Variants in UCHL1 observed in about 807,000 individuals in gnomAD.
The protein encoded by UCHL1 is ubiquitin C-terminal hydrolase L1.
A neutral mutation model predicts 33.3 loss-of-function variants in UCHL1; 5 were observed. The observed-to-expected ratio is 0.15, with a 90% confidence interval of 0.08 to 0.32. The LOEUF (loss-of-function observed/expected upper bound fraction) is 0.32, where lower values mean the gene tolerates loss of function less well. Among genes scored for constraint, UCHL1 ranks in the 10% least tolerant of loss-of-function variants. UCHL1 has a pLI of 1.00. For missense variants in UCHL1, 236 were observed against 280.0 expected (o/e 0.84, Z 1.12); for synonymous variants, 132 against 108.8 (o/e 1.21, Z -1.33).
chr4:41,257,818 C>T lies in UCHL1; in HGVS notation c.174+81C>T, dbSNP rs551789430. ...CTTGAGTCCTCGGGGGCTCCCCGCC[C>T]CGCCCCCTCCCCTGTAGGTGATGCG... On this transcript the variant is annotated intron_variant, in intron 3 of 8. Transcript: ENST00000284440. 168 of 1,501,256 alleles carry T rather than the reference C, an allele frequency of 1.1e-4. 1 individual carries two copies. The highest frequency in any genetic ancestry group is 6.1e-4 in the South Asian group (48 of 79,054). The allele number at this position is 1,501,256 out of a possible 1,614,324, so 93.0% of individuals were successfully genotyped here.
In UCHL1 at chr4:41,256,975, A is replaced by T; in HGVS notation, c.-2A>T. The T allele has an allele frequency of 6.2e-7, 1 of 1,614,174 alleles. No individual in the cohort carries two copies. Among genetic ancestry groups the T allele is most frequent in the South Asian group, 1.1e-5 (1 of 91,086 alleles). On this transcript the variant is annotated 5_prime_UTR_variant, in exon 1 of 9. It adds an upstream start codon to the 5' untranslated region. Coordinates refer to ENST00000284440, the MANE Select transcript of UCHL1 (RefSeq NM_004181.5). ...GCTATTTCTGCCGGGCGCTCCGCGAAGATGCAGCTCAAGCCGATGGAGATC... is the reference window on the plus strand; with the variant it reads ...GCTATTTCTGCCGGGCGCTCCGCGATGATGCAGCTCAAGCCGATGGAGATC...
chr4:41,259,206 G>A (rs1781032325), intron 3 of UCHL1, among the ~76,000 whole-genome samples: 2 of 152,218 alleles, frequency 1.3e-5, no homozygotes, highest in African/African-American at 4.8e-5. Flanking sequence ...CACTGAAGCC[G>A]ATTGAAAGAA....
intron 2 of UCHL1, 154 bp downstream of exon 2, chr4:41,257,280 C>T (rs773338075): frequency 1.7e-4 from 212 of 1,260,154 alleles, no homozygotes; most frequent in South Asian, 3.5e-4. Flanking sequence ...TTTCCTGGGC[C>T]CCTGCATTTA....
chr4:41,268,035 G>A lies in UCHL1; in HGVS notation c.634G>A (p.Val212Ile). ...ATTCACCGAGCGTGAGCAAGGAGAA[G>A]TCCGCTTCTCTGCCGTGGCTCTCTG... ...REFTEREQGE[V>I]RFSAVALCKA... Residue 212 changes from valine (V) to isoleucine (I), a missense_variant, in exon 9 of 9, where the codon GTC becomes ATC. Physicochemically the swap from Val to Ile is conservative, Grantham distance 29. Coordinates refer to ENST00000284440, the MANE Select transcript of UCHL1 (RefSeq NM_004181.5). 1 of 1,613,706 alleles carries A rather than the reference G, an allele frequency of 6.2e-7. No individual in the cohort carries two copies. The highest frequency in any genetic ancestry group is 8.5e-7 in the Non-Finnish European group (1 of 1,179,866).
chr4:41,266,226 CTTTTTT>C (rs71650920), intron 8 of UCHL1, among the ~76,000 whole-genome samples: 2 of 136,780 alleles, frequency 1.5e-5, no homozygotes, highest in African/African-American at 2.8e-5. Flanking sequence ...CTGGCTAAAA[CTTTTTT>C]TTTTTTTTTT....
intron 4 of UCHL1, among the ~76,000 whole-genome samples, chr4:41,261,291 A>G (rs1281192494): frequency 6.6e-6 from 1 of 152,248 alleles, no homozygotes; most frequent in Non-Finnish European, 1.5e-5. Flanking sequence ...TCATGTATAT[A>G]ATAGATGTTA....
chr4:41,259,229 T>A (rs1781033086), intron 3 of UCHL1, among the ~76,000 whole-genome samples: 1 of 152,226 alleles, frequency 6.6e-6, no homozygotes, highest in South Asian at 2.1e-4. Flanking sequence ...GTTGAGGTTT[T>A]ATAGGTTGAC....
chr4:41,258,909 A>G (rs1306267719), intron 3 of UCHL1, among the ~76,000 whole-genome samples: 1 of 152,238 alleles, frequency 6.6e-6, no homozygotes, highest in Non-Finnish European at 1.5e-5. Context: ...GGTTGACCAA[A>G]TCAGTCTCCT....
intron 8 of UCHL1, among the ~76,000 whole-genome samples, chr4:41,265,623 C>G (rs964686668): frequency 1.3e-5 from 2 of 152,128 alleles, no homozygotes; most frequent in African/African-American, 4.8e-5. Context: ...AGTCTGTGTT[C>G]TTAGCCATTG....
chr4:41,257,083 G>A, intron 1 of UCHL1, 32 bp from the exon 2 acceptor site: 1 of 1,614,096 alleles, frequency 6.2e-7, no homozygotes, highest in Non-Finnish European at 8.5e-7. Context: ...GATCGGTTCG[G>A]TTTTGCCTTT....
chr4:41,257,797 A>C (rs960946980), intron 3 of UCHL1, 60 bp downstream of exon 3: 2 of 1,524,256 alleles, frequency 1.3e-6, no homozygotes, highest in Non-Finnish European at 1.8e-6. Flanking sequence ...CCCCAGCTTG[A>C]GTCCTCGGGG....
Position 41,257,696 on chromosome 4 carries a change from C to T in UCHL1, c.133C>T (p.Pro45Ser). The T allele has an allele frequency of 6.3e-7, 1 of 1,579,228 alleles. No individual in the cohort carries two copies. Among genetic ancestry groups the T allele is most frequent in the Non-Finnish European group, 8.6e-7 (1 of 1,166,096 alleles). Reference sequence around the variant, plus strand: ...GGAGTCTCTGGGCTCGGTGCCAGCGCCTGCCTGCGCGCTGCTGCTGCTGTT... The same window carrying T: ...GGAGTCTCTGGGCTCGGTGCCAGCGTCTGCCTGCGCGCTGCTGCTGCTGTT... The part of the protein sequence containing the change: ...EEESLGSVPA[P>S]ACALLLLFPL... The change falls in exon 3 of 9, where the codon CCT becomes TCT. Residue 45 changes from proline to serine, a missense_variant. By Grantham distance (74) the Pro-to-Ser change is moderately conservative. Coordinates refer to ENST00000284440, the MANE Select transcript of UCHL1 (RefSeq NM_004181.5).
intron 8 of UCHL1, 119 bp downstream of exon 8, chr4:41,264,280 GTCTTTAGGGCTGCAAGATCC>G (rs1349783438): frequency 4.7e-6 from 6 of 1,272,608 alleles, no homozygotes; most frequent in South Asian, 2.4e-5. Context: ...GTTAATAGCA[GTCTTTAGGGCTGCAAGATCC>G]TCTTAGTAAC....
In UCHL1 at chr4:41,268,104, C is replaced by T; in HGVS notation, c.*31C>T. The T allele has an allele frequency of 6.3e-7, 1 of 1,597,092 alleles. No homozygotes were observed. The highest frequency in any genetic ancestry group is 8.6e-7 in the Non-Finnish European group (1 of 1,166,756). On this transcript the variant is annotated 3_prime_UTR_variant, in exon 9 of 9. Coordinates refer to ENST00000284440, the MANE Select transcript of UCHL1 (RefSeq NM_004181.5). ...TGTGGGAGGGACTTTGCTGATTTCC[C>T]CTCTTCCCTTCAACATGAAAATATA...
At position 41,263,217 on chromosome 4, in the gene UCHL1, T is replaced by C; in HGVS notation, c.460-8T>C. On this transcript the variant is annotated splice_polypyrimidine_tract_variant and splice_region_variant and intron_variant, in intron 6 of 8. Coordinates refer to ENST00000284440, the MANE Select transcript of UCHL1 (RefSeq NM_004181.5). ...ACTCATTTTCAAAAATTTCTTGACT[T>C]TCTTTAGGTAGATGACAAGGTGAAT... 6.2e-7 allele frequency: 1 copy of C among 1,613,330 alleles called. No homozygotes were observed. The highest frequency in any genetic ancestry group is 8.5e-7 in the Non-Finnish European group (1 of 1,179,294).
At position 41,268,194 on chromosome 4, in the gene UCHL1, G is replaced by C; in HGVS notation, c.*121G>C. Reference sequence around the variant, plus strand: ...AACACAGCTGTTCTTCTGTTCTGCAGACACGCCTTCCCCTCAGCCACACCC... The same window carrying C: ...AACACAGCTGTTCTTCTGTTCTGCACACACGCCTTCCCCTCAGCCACACCC... On this transcript the variant is annotated 3_prime_UTR_variant, in exon 9 of 9. Coordinates refer to ENST00000284440, the MANE Select transcript of UCHL1 (RefSeq NM_004181.5). The C allele has an allele frequency of 2.1e-6, 2 of 967,096 alleles. No individual in the cohort carries two copies. Among genetic ancestry groups the C allele is most frequent in the Non-Finnish European group, 3.2e-6 (2 of 624,444 alleles). 59.9% of individuals were successfully genotyped at this position (967,096 alleles called of 1,614,324 possible). A position where few individuals can be genotyped will look rare whatever the true frequency, so the allele number is the denominator to read the frequency against.
chr4:41,261,796 A>G lies in UCHL1; in HGVS notation c.407A>G (p.Asn136Ser), dbSNP rs139618482. Reference protein sequence around the residue: ...PEDRAKCFEKNEAIQAAHDAV... With the variant: ...PEDRAKCFEKSEAIQAAHDAV... Reference sequence around the variant, plus strand: ...GACAGAGCAAAATGCTTTGAAAAGAATGAGGTAAGAGAACTTACAGAGCAT... The same window carrying G: ...GACAGAGCAAAATGCTTTGAAAAGAGTGAGGTAAGAGAACTTACAGAGCAT... The change falls in exon 5 of 9, where the codon AAT (asparagine) becomes AGT (serine). Residue 136 changes from asparagine to serine, a missense_variant. Transcript: ENST00000284440. 93 of 1,614,104 alleles carry G rather than the reference A, an allele frequency of 5.8e-5. No individual in the cohort carries two copies. The highest frequency in any genetic ancestry group is 7.4e-5 in the Non-Finnish European group (87 of 1,180,054).
intron 8 of UCHL1, chr4:41,264,368 G>T: frequency 1.6e-6 from 1 of 636,036 alleles, no homozygotes; most frequent in Non-Finnish European, 2.8e-6. Flanking sequence ...GACACCCTGA[G>T]TAATCTGTTT....
Position 41,264,150 on chromosome 4 carries a change from A to T in UCHL1, c.574A>T (p.Thr192Ser). 1 of 1,614,150 alleles carries T rather than the reference A, an allele frequency of 6.2e-7. No homozygotes were observed. Among genetic ancestry groups the T allele is most frequent in the Non-Finnish European group, 8.5e-7 (1 of 1,180,020 alleles). Reference sequence around the variant, plus strand: ...GAACCATGGCGCCAGTTCAGAGGACACCCTGCTGAAGGTCATCTTTGGAAT... The same window carrying T: ...GAACCATGGCGCCAGTTCAGAGGACTCCCTGCTGAAGGTCATCTTTGGAAT... ...PVNHGASSEDTLLKDAAKVCR... is the reference protein window; with the variant it reads ...PVNHGASSEDSLLKDAAKVCR... Residue 192 changes from threonine to serine, a missense_variant, in exon 8 of 9, where the codon ACC becomes TCC. Coordinates refer to ENST00000284440, the MANE Select transcript of UCHL1 (RefSeq NM_004181.5).
Sources: gnomAD v4.1 joint callset for allele counts (sites outside exome capture counted in the v4.1 genomes callset) on GRCh38, gnomAD v4.1.1 for gene constraint, MANE v1.5 for transcripts, NCBI Gene and HGNC (gene_info 2026-07-23, HGNC 2026-07-21) for gene names.